Variants in CCDC171 observed in about 807,000 individuals in gnomAD.
The protein encoded by CCDC171 is coiled-coil domain-containing protein 171.
Under a neutral mutation model 168.2 loss-of-function variants are expected in CCDC171, and 177 were observed. The ratio of observed to expected loss-of-function variants is 1.05; its 90% CI spans 0.93 to 1.19. The LOEUF is 1.19. CCDC171 is among the 50% of genes most tolerant of loss of function. The pLI is 0.00. For synonymous variants in CCDC171, 687 were observed against 540.8 expected (o/e 1.27, Z -3.75); for missense variants, 1,991 against 1,539.0 (o/e 1.29, Z -4.91).
intron 8 of CCDC171, among the ~76,000 whole-genome samples, chr9:15,661,988 C>T (rs1283294229): frequency 2.0e-5 from 3 of 152,182 alleles, no homozygotes; most frequent in Admixed American, 6.5e-5. Flanking sequence ...TAAGAATAAA[C>T]GTTTCATGCC....
intron 22 of CCDC171, among the ~76,000 whole-genome samples, chr9:15,848,553 C>T (rs1312500614): frequency 6.6e-6 from 1 of 151,706 alleles, no homozygotes; most frequent in Non-Finnish European, 1.5e-5. Context: ...CCATTTACAG[C>T]ACATTTTAAA....
chr9:15,948,333 A>G (rs1027333779), intron 25 of CCDC171, among the ~76,000 whole-genome samples: 2 of 143,598 alleles, frequency 1.4e-5, no homozygotes, highest in African/African-American at 2.5e-5. Context: ...TCCTTTGGGT[A>G]TATACCCAGT....
intron 3 of CCDC171, among the ~76,000 whole-genome samples, chr9:16,011,816 G>A (rs1832876490): frequency 6.6e-6 from 1 of 152,180 alleles, no homozygotes; most frequent in Non-Finnish European, 1.5e-5. Context: ...AATGGGAGAA[G>A]TTTGAATAAA....
chr9:15,989,745 A>G (rs1033294127), intron 3 of CCDC171, among the ~76,000 whole-genome samples: 4 of 151,450 alleles, frequency 2.6e-5, no homozygotes, highest in Admixed American at 2.0e-4. Flanking sequence ...GACCTGATGG[A>G]GCTGAAAACC....
In CCDC171 at chr9:15,623,270, C is replaced by G. The variant is rs765682018; in HGVS notation, c.679C>G (p.Gln227Glu). 6 of 1,555,112 alleles carry G rather than the reference C, an allele frequency of 3.9e-6. No homozygotes were observed. The Middle Eastern group carries it at 5.1e-4, about 133-fold the overall frequency. ...GCAAAAATGAATTATTTTCCAGGAG[C>G]AAGATACTGCTGTGCAAAATATGCA... ...RRELQFIVQE[Q>E]DTAVQNMHKK... The change falls in exon 7 of 26, where the codon CAA becomes GAA. Residue 227 changes from glutamine to glutamate, a missense_variant. Physicochemically the swap from Gln to Glu is conservative, Grantham distance 29. Coordinates refer to ENST00000380701, the MANE Select transcript of CCDC171 (RefSeq NM_173550.4).
chr9:15,585,848 C>T (rs555663616), intron 4 of CCDC171, among the ~76,000 whole-genome samples: 3 of 152,068 alleles, frequency 2.0e-5, no homozygotes, highest in Admixed American at 6.6e-5. Flanking sequence ...TGGTAGTGCA[C>T]GCCTGTAATT....
chr9:15,710,297 G>GTC (rs59946349), intron 11 of CCDC171, among the ~76,000 whole-genome samples: 4,055 of 149,926 alleles, frequency 0.027, 169 homozygotes, highest in African/African-American at 0.094. Context: ...CTCCTCTTCT[G>GTC]TCTCTCTCTC....
chr9:15,813,715 A>T (rs968103934), intron 21 of CCDC171, among the ~76,000 whole-genome samples: 5 of 151,856 alleles, frequency 3.3e-5, no homozygotes, highest in African/African-American at 4.8e-5. Context: ...TTATTATTTT[A>T]ATTGATGTAC....
At chr9:15,795,912 G>A (rs937638881) in intron 21 of CCDC171, among the ~76,000 whole-genome samples, 1 of 152,240 alleles carries the variant, frequency 6.6e-6, no homozygotes, top group African/African-American at 2.4e-5. Context: ...CCAGTCACCA[G>A]TGTGACCTTG....
intron 6 of CCDC171, among the ~76,000 whole-genome samples, chr9:15,596,530 C>G (rs1411168468): frequency 2.0e-5 from 3 of 151,390 alleles, no homozygotes; most frequent in Non-Finnish European, 4.4e-5. Flanking sequence ...CAGTACCATG[C>G]TGTTTTGGTT....
At chr9:16,036,574 G>A (rs898424449) in intron 8 of CCDC171, among the ~76,000 whole-genome samples, 2 of 152,226 alleles carry the variant, frequency 1.3e-5, no homozygotes, top group African/African-American at 2.4e-5. Context: ...AACCCGGGAG[G>A]TGGAGCTTTC....
chr9:15,763,537 G>C (rs2056563828), intron 18 of CCDC171, among the ~76,000 whole-genome samples: 1 of 152,028 alleles, frequency 6.6e-6, no homozygotes, highest in Non-Finnish European at 1.5e-5. Flanking sequence ...GTGTGGTCTG[G>C]GGCCACCACG....
chr9:15,571,382 T>C (rs1372914750), intron 2 of CCDC171, among the ~76,000 whole-genome samples: 1 of 152,208 alleles, frequency 6.6e-6, no homozygotes, highest in African/African-American at 2.4e-5. Context: ...CAATCTTGAA[T>C]AATGTGGTAA....
intron 21 of CCDC171, among the ~76,000 whole-genome samples, chr9:15,789,698 C>G (rs552528826): frequency 7.9e-5 from 12 of 152,024 alleles, no homozygotes; most frequent in African/African-American, 2.9e-4. Flanking sequence ...ATGTGCTGCA[C>G]CCATTAACTA....
At chr9:15,743,992 G>A (rs770146694) in intron 16 of CCDC171, among the ~76,000 whole-genome samples, 3 of 152,104 alleles carry the variant, frequency 2.0e-5, no homozygotes, top group Non-Finnish European at 4.4e-5. Context: ...TTATGTATAA[G>A]TCTACAGGAA....
At chr9:15,663,761 A>C (rs1037511466) in intron 8 of CCDC171, among the ~76,000 whole-genome samples, 1 of 151,792 alleles carries the variant, frequency 6.6e-6, no homozygotes, top group Non-Finnish European at 1.5e-5. Flanking sequence ...GCCCGCCACC[A>C]CACCTGGCTA....
At position 15,991,481 on chromosome 9, in the gene CCDC171, A is replaced by G. The variant is rs1443592969; in HGVS notation, n.369-29108A>G. Among the ~76,000 whole-genome samples the G allele has an allele frequency of 4.0e-5, 6 of 150,054 alleles. No individual in the cohort carries two copies. The East Asian group carries it at 9.6e-4, about 24-fold the overall frequency. On this transcript the variant is annotated intron_variant and non_coding_transcript_variant, in intron 3 of 9. Transcript: ENST00000486641. ...AAATGCCCACAAGAGAAAACAGGAA[A>G]GATCTAAAATTGACACCCTAACATC...
chr9:16,107,283 G>A, the CCDC171 span, among the ~76,000 whole-genome samples: 1 of 152,086 alleles, frequency 6.6e-6, no homozygotes, highest in African/African-American at 2.4e-5. Context: ...CTGAGTAGCT[G>A]GGACCACAGG....
At position 15,629,589 on chromosome 9, in the gene CCDC171, T is replaced by G. The variant is rs539137756; in HGVS notation, c.822+6176T>G. ...AAATGACGGGGAGAATGGAACCAAGTTGGAAAACACTCTGCAGGATATTAT... is the reference window on the plus strand; with the variant it reads ...AAATGACGGGGAGAATGGAACCAAGGTGGAAAACACTCTGCAGGATATTAT... On this transcript the variant is annotated intron_variant, in intron 7 of 25. Coordinates refer to ENST00000380701, the MANE Select transcript of CCDC171 (RefSeq NM_173550.4). Among the ~76,000 whole-genome samples, 8 of 152,290 alleles carry G rather than the reference T, an allele frequency of 5.3e-5. No individual in the cohort carries two copies. The South Asian group carries it at 1.7e-3, about 32-fold the overall frequency.
Sources: gnomAD v4.1 joint callset for allele counts (sites outside exome capture counted in the v4.1 genomes callset) on GRCh38, gnomAD v4.1.1 for gene constraint, MANE v1.5 for transcripts, NCBI Gene and HGNC (gene_info 2026-07-23, HGNC 2026-07-21) for gene names.